Variants in OSBPL9 observed in about 807,000 individuals in gnomAD.
OSBPL9 encodes oxysterol-binding protein-related protein 9.
A neutral mutation model predicts 106.6 loss-of-function variants in OSBPL9; 40 were observed. The observed-to-expected ratio is 0.38, with a 90% CI of 0.29 to 0.49. The LOEUF is 0.49. OSBPL9 is among the 20% of genes least tolerant of loss of function. The pLI is 0.97. For missense variants in OSBPL9, 609 were observed against 887.2 expected (o/e 0.69, Z 3.98); for synonymous variants, 269 against 295.4 (o/e 0.91, Z 0.92).
intron 15 of OSBPL9, among the ~76,000 whole-genome samples, chr1:51,777,895 G>A (rs573888680): frequency 1.1e-4 from 16 of 152,244 alleles, no homozygotes; most frequent in African/African-American, 3.1e-4. Context: ...GCTCATGCCT[G>A]TAATCCCAGC....
intron 3 of OSBPL9, among the ~76,000 whole-genome samples, chr1:51,708,827 C>A (rs1659189247): frequency 6.6e-6 from 1 of 152,070 alleles, no homozygotes; most frequent in Non-Finnish European, 1.5e-5. Context: ...TAACATGAAT[C>A]CTTCAGTTAT....
intron 3 of OSBPL9, among the ~76,000 whole-genome samples, chr1:51,703,001 A>G (rs553625063): frequency 5.3e-5 from 8 of 152,178 alleles, no homozygotes; most frequent in East Asian, 1.9e-4. Flanking sequence ...CCATTGGTCT[A>G]TCTCTGTTTT....
intron 3 of OSBPL9, among the ~76,000 whole-genome samples, chr1:51,713,235 C>T (rs1489698795): frequency 5.9e-5 from 9 of 152,014 alleles, no homozygotes; most frequent in Middle Eastern, 3.2e-3. Flanking sequence ...CTGCAACCTC[C>T]GCCTCCCGGG....
At chr1:51,690,446 C>T (rs545328125) in intron 3 of OSBPL9, among the ~76,000 whole-genome samples, 176 of 152,284 alleles carry the variant, frequency 1.2e-3, no homozygotes, top group Non-Finnish European at 2.1e-3. Flanking sequence ...AAATATTTGC[C>T]TGCATTTTAT....
chr1:51,686,869 A>C (rs1349407611), intron 3 of OSBPL9, among the ~76,000 whole-genome samples: 2 of 152,224 alleles, frequency 1.3e-5, no homozygotes, highest in African/African-American at 2.4e-5. Context: ...TTGTTGAAGG[A>C]AACAAACCAA....
the OSBPL9 span, among the ~76,000 whole-genome samples, chr1:51,554,131 G>A: frequency 1.3e-5 from 2 of 152,314 alleles, no homozygotes; most frequent in African/African-American, 4.8e-5. Flanking sequence ...ACTCTGTGCA[G>A]ACACAGGAAG....
At chr1:51,735,748 T>G (rs1217281008) in intron 4 of OSBPL9, among the ~76,000 whole-genome samples, 1 of 152,258 alleles carries the variant, frequency 6.6e-6, no homozygotes, top group Non-Finnish European at 1.5e-5. Flanking sequence ...CAGCATAGTA[T>G]GTGTAAAAAT....
intron 2 of OSBPL9, among the ~76,000 whole-genome samples, chr1:51,611,181 GA>G (rs1389043423): frequency 1.3e-5 from 2 of 151,304 alleles, no homozygotes; most frequent in Non-Finnish European, 2.9e-5. Context: ...TCTTTTGCCT[GA>G]AAATCATAGC....
chr1:51,764,266 G>C (rs1016082103), intron 11 of OSBPL9, among the ~76,000 whole-genome samples: 2 of 151,980 alleles, frequency 1.3e-5, no homozygotes, highest in African/African-American at 4.8e-5. Flanking sequence ...GTGATCACCT[G>C]GAATATTTGC....
intron 1 of OSBPL9, among the ~76,000 whole-genome samples, chr1:51,585,543 C>A (rs748897838): frequency 6.6e-6 from 1 of 151,966 alleles, no homozygotes; most frequent in East Asian, 1.9e-4. Flanking sequence ...TTTGGGAGGC[C>A]GAGGAAGGCA....
At position 51,788,776 on chromosome 1, in the gene OSBPL9, TA is replaced by T. The variant is rs1166857559; in HGVS notation, c.*988del. On this transcript the variant is annotated 3_prime_UTR_variant, in exon 24 of 24. Transcript: ENST00000428468. Reference sequence around the variant, plus strand: ...CCCACAGTGAACAAAAATAGATAGATAGATAGAATAAAATGAATGCCACAGC... The same window carrying T: ...CCCACAGTGAACAAAAATAGATAGATGATAGAATAAAATGAATGCCACAGC... Among the ~76,000 whole-genome samples, 1 of 151,686 alleles carries T rather than the reference TA, an allele frequency of 6.6e-6. No homozygotes were observed. The highest frequency in any genetic ancestry group is 1.5e-5 in the Non-Finnish European group (1 of 68,014).
chr1:51,767,774 G>A (rs1272314198), intron 12 of OSBPL9, among the ~76,000 whole-genome samples: 1 of 151,958 alleles, frequency 6.6e-6, no homozygotes, highest in African/African-American at 2.4e-5. Context: ...AGAAACCATT[G>A]TTAGCAGTTT....
intron 2 of OSBPL9, among the ~76,000 whole-genome samples, chr1:51,656,639 C>G (rs1646832780): frequency 6.7e-6 from 1 of 149,306 alleles, no homozygotes; most frequent in East Asian, 2.0e-4. Flanking sequence ...TCTTCCCCCA[C>G]TCCTGCTTCT....
At chr1:51,732,171 C>G (rs1664605534) in intron 4 of OSBPL9, among the ~76,000 whole-genome samples, 1 of 152,178 alleles carries the variant, frequency 6.6e-6, no homozygotes, top group South Asian at 2.1e-4. Flanking sequence ...GCACCATGTT[C>G]TGCTGGTTGG....
chr1:51,532,358 AAG>A, the OSBPL9 span, among the ~76,000 whole-genome samples: 1 of 152,166 alleles, frequency 6.6e-6, no homozygotes, highest in Non-Finnish European at 1.5e-5. Flanking sequence ...TGATACAAGC[AAG>A]AGAGGGAATT....
intron 3 of OSBPL9, among the ~76,000 whole-genome samples, chr1:51,713,362 C>A (rs953241914): frequency 1.3e-5 from 2 of 152,034 alleles, no homozygotes; most frequent in Non-Finnish European, 2.9e-5. Context: ...GTTGGCCAGG[C>A]TGGTCTTGAA....
intron 14 of OSBPL9, among the ~76,000 whole-genome samples, chr1:51,776,008 G>A (rs528796823): frequency 9.9e-5 from 15 of 152,174 alleles, no homozygotes; most frequent in African/African-American, 2.7e-4. Context: ...GTTCTACTTC[G>A]TAATGAATAA....
At chr1:51,579,653 A>T (rs1279755180) in intron 1 of OSBPL9, among the ~76,000 whole-genome samples, 2 of 151,842 alleles carry the variant, frequency 1.3e-5, no homozygotes, top group Non-Finnish European at 2.9e-5. Flanking sequence ...ACTTTCCCAG[A>T]AGTTTGAGAC....
At chr1:51,530,182 AAAAAAAAAAAC>A in the OSBPL9 span, among the ~76,000 whole-genome samples, 5,536 of 115,978 alleles carry the variant, frequency 0.048, 942 homozygotes, top group Non-Finnish European at 0.066. Flanking sequence ...AAAAAAAAAA[AAAAAAAAAAAC>A]AAAAAAAAAA....
Sources: allele counts gnomAD v4.1 joint callset (sites outside exome capture counted in the v4.1 genomes callset), GRCh38; gene constraint gnomAD v4.1.1; transcripts MANE v1.5; gene names NCBI Gene and HGNC (gene_info 2026-07-23, HGNC 2026-07-21).